Variants in GSDME observed in about 807,000 individuals in gnomAD.
The protein encoded by GSDME is gasdermin-E.
In GSDME, 44 loss-of-function variants were observed where a neutral mutation model predicts 47.5. The ratio of observed to expected loss-of-function variants is 0.93; its 90% CI spans 0.73 to 1.19. The LOEUF (loss-of-function observed/expected upper bound fraction) is 1.19. Ranked by LOEUF, GSDME falls within the 50% of genes most tolerant of loss-of-function variation. The probability of loss-of-function intolerance (pLI) is 0.00; values close to 1 mark genes in which losing one functional copy is unlikely to be tolerated. For synonymous variants in GSDME, 258 were observed against 252.8 expected (o/e 1.02, Z -0.20); for missense variants, 663 against 604.2 (o/e 1.10, Z -1.02).
chr7:24,708,906 TTTTG>T (rs955428330), intron 6 of GSDME, among the ~76,000 whole-genome samples: 21 of 152,218 alleles, frequency 1.4e-4, no homozygotes, highest in Middle Eastern at 3.4e-3. Context: ...TTTTTGGTTT[TTTTG>T]TTTGTTTGTT....
Position 24,698,986 on chromosome 7 carries a change from G to T in GSDME, c.*40C>A. The T allele has an allele frequency of 1.4e-6, 2 of 1,387,058 alleles. No homozygotes were observed. The highest frequency in any genetic ancestry group is 2.0e-6 in the Non-Finnish European group (2 of 979,872). The allele number at this position is 1,387,058 out of a possible 1,614,324, so 85.9% of individuals were successfully genotyped here. ...TGACCTTTAACAGTTCTGAAAAATA[G>T]CCTTGGCCAGTAACACGTACTTCTA... On this transcript the variant is annotated 3_prime_UTR_variant, in exon 10 of 10. Coordinates refer to ENST00000645220, the MANE Select transcript of GSDME (RefSeq NM_001127453.2).
chr7:24,729,735 G>A (rs1790083886), intron 3 of GSDME, among the ~76,000 whole-genome samples: 1 of 152,202 alleles, frequency 6.6e-6, no homozygotes, highest in Admixed American at 6.5e-5. Context: ...GGATGTGAGG[G>A]CAACTGGTGA....
chr7:24,767,098 G>T, the GSDME span, among the ~76,000 whole-genome samples: 1 of 152,168 alleles, frequency 6.6e-6, no homozygotes, highest in African/African-American at 2.4e-5. This position sits in a 1 kb window ranked among gnomAD's most constrained non-coding sequence, Gnocchi z 5.3. Context: ...CCAAAGCGGG[G>T]TGATCACCTG....
At chr7:24,786,282 GA>G in the GSDME span, among the ~76,000 whole-genome samples, 1 of 152,198 alleles carries the variant, frequency 6.6e-6, no homozygotes, top group South Asian at 2.1e-4. The surrounding 1 kb of genome is among the most constrained non-coding windows in gnomAD (Gnocchi z 5.5). Context: ...AAAACCCGAG[GA>G]AAACTTTGGA....
At chr7:24,779,509 G>GTGTGTGTGTC in the GSDME span, among the ~76,000 whole-genome samples, 2 of 151,552 alleles carry the variant, frequency 1.3e-5, no homozygotes, top group South Asian at 4.2e-4. The surrounding 1 kb of genome is among the most constrained non-coding windows in gnomAD (Gnocchi z 6.0). Flanking sequence ...GTGTGTGTGT[G>GTGTGTGTGTC]TGTGTGTGTG....
chr7:24,701,958 C>G (rs766602705), intron 9 of GSDME, among the ~76,000 whole-genome samples: 8 of 152,212 alleles, frequency 5.3e-5, no homozygotes, highest in African/African-American at 9.6e-5. Context: ...GCAGTCTGCC[C>G]CAATACCTGC....
intron 3 of GSDME, among the ~76,000 whole-genome samples, chr7:24,719,522 G>A (rs574730396): frequency 1.4e-4 from 21 of 152,296 alleles, no homozygotes; most frequent in African/African-American, 5.1e-4. Flanking sequence ...GCCAGGCGTG[G>A]TGGCTCACAC....
intron 3 of GSDME, among the ~76,000 whole-genome samples, chr7:24,730,770 G>A (rs576096707): frequency 3.9e-5 from 6 of 152,090 alleles, no homozygotes; most frequent in Non-Finnish European, 7.4e-5. Context: ...AGCTGAGATC[G>A]CACCACTGCA....
chr7:24,765,294 C>T, the GSDME span, among the ~76,000 whole-genome samples: 1 of 152,110 alleles, frequency 6.6e-6, no homozygotes, highest in African/African-American at 2.4e-5. Flanking sequence ...CGAAAATGGA[C>T]AAAAAGTTTA....
Position 24,712,263 on chromosome 7 carries a change from A to AC in GSDME, c.698-1876dup, listed in dbSNP as rs1789385378. ...CAGGGGTGCAGGAGTGTGAACCAGC[A>AC]CCTAGGTCATAACTTTGTTCCCTGA... is the stretch of plus-strand genomic sequence containing the variant. On this transcript the variant is annotated intron_variant, in intron 5 of 9. Coordinates refer to ENST00000645220, the MANE Select transcript of GSDME (RefSeq NM_001127453.2). The surrounding 1 kb of genome is among the most constrained non-coding windows in gnomAD (Gnocchi z 4.4). Among the ~76,000 whole-genome samples the AC allele has an allele frequency of 6.6e-6, 1 of 152,204 alleles. No homozygotes were observed. The highest frequency in any genetic ancestry group is 2.1e-4 in the South Asian group (1 of 4,826).
Position 24,744,958 on chromosome 7 carries a change from C to G in GSDME, c.212-204G>C, listed in dbSNP as rs546668764. ...TGTGTGTGTGTGTGTGTGTGGACCG[C>G]GGGCACACAGTGGACCAGTGCAGCA... On this transcript the variant is annotated intron_variant, in intron 2 of 9. Transcript: ENST00000645220. This position sits in a 1 kb window ranked among gnomAD's most constrained non-coding sequence, Gnocchi z 4.5. Among the ~76,000 whole-genome samples the G allele has an allele frequency of 2.3e-4, 28 of 119,206 alleles. 1 individual carries two copies. The highest frequency in any genetic ancestry group is 8.1e-4 in the Admixed American group (10 of 12,394). 78.2% of individuals were successfully genotyped at this position (119,206 alleles called of 152,430 possible).
upstream of GSDME, among the ~76,000 whole-genome samples, chr7:24,760,927 G>T (rs116870779): frequency 4.6e-5 from 7 of 152,326 alleles, no homozygotes; most frequent in East Asian, 9.6e-4. This position sits in a 1 kb window ranked among gnomAD's most constrained non-coding sequence, Gnocchi z 4.2. Flanking sequence ...GATAGGAGAA[G>T]AACTGAAATT....
At chr7:24,761,411 T>C (rs763660521), upstream of GSDME, among the ~76,000 whole-genome samples, 1 of 152,218 alleles carries the variant, frequency 6.6e-6, no homozygotes, top group Admixed American at 6.5e-5. This position sits in a 1 kb window ranked among gnomAD's most constrained non-coding sequence, Gnocchi z 4.4. Context: ...TCCTAGTTCA[T>C]AGATAGTGAC....
At chr7:24,749,959 T>C (rs1790803558) in intron 1 of GSDME, among the ~76,000 whole-genome samples, 166 bp from the exon 2 acceptor site, 1 of 152,102 alleles carries the variant, frequency 6.6e-6, no homozygotes, top group Admixed American at 6.5e-5. Flanking sequence ...AGAACTCAAA[T>C]AGAGATATTG....
At chr7:24,703,186 C>T (rs757558595) in intron 8 of GSDME, 1 of 352,052 alleles carries the variant, frequency 2.8e-6, no homozygotes, top group East Asian at 7.4e-5. Flanking sequence ...AGACCCTCCA[C>T]ACATTCAGGC....
rs1020447556 is a variant in GSDME at position 24,732,077 on chromosome 7, A to G, written c.404+12485T>C. 7.2e-5 allele frequency among the ~76,000 whole-genome samples: 11 copies of G among 152,344 alleles called. No homozygotes were observed. The highest frequency in any genetic ancestry group is 2.6e-4 in the African/African-American group (11 of 41,586). On this transcript the variant is annotated intron_variant, in intron 3 of 9. Transcript: ENST00000645220. This position sits in a 1 kb window ranked among gnomAD's most constrained non-coding sequence, Gnocchi z 4.8. ...CAGTTACACCTGCCCTGGAAGGAGA[A>G]ACACAGCAAAAAGAGAATCAGCGAC...
intron 5 of GSDME, among the ~76,000 whole-genome samples, chr7:24,715,224 G>A (rs1327594348): frequency 6.6e-6 from 1 of 152,180 alleles, no homozygotes; most frequent in Non-Finnish European, 1.5e-5. Flanking sequence ...GGGAGATGTT[G>A]TCAAAGCATG....
At chr7:24,764,352 C>A in the GSDME span, among the ~76,000 whole-genome samples, 3 of 152,202 alleles carry the variant, frequency 2.0e-5, no homozygotes, top group Non-Finnish European at 2.9e-5. The surrounding 1 kb of genome is among the most constrained non-coding windows in gnomAD (Gnocchi z 4.4). Flanking sequence ...GCTTTCGTTT[C>A]AAACTGTTGG....
chr7:24,777,031 A>G, the GSDME span, among the ~76,000 whole-genome samples: 1 of 152,140 alleles, frequency 6.6e-6, no homozygotes. Flanking sequence ...TCACTGTATT[A>G]TATTTTAATA....
Sources: allele counts gnomAD v4.1 joint callset (sites outside exome capture counted in the v4.1 genomes callset), GRCh38; gene constraint gnomAD v4.1.1; non-coding constraint Gnocchi (gnomAD v3.1); transcripts MANE v1.5; gene names NCBI Gene and HGNC (gene_info 2026-07-23, HGNC 2026-07-21).